The following POC1B variants were observed in gnomAD, a reference collection of about 807,000 sequenced individuals.
POC1B encodes the protein POC1 centriolar protein B.
A neutral mutation model predicts 60.6 loss-of-function variants in POC1B; 44 were observed. The ratio of observed to expected loss-of-function variants is 0.73; its 90% CI spans 0.57 to 0.93. The LOEUF is 0.93. POC1B is among the 40% of genes least tolerant of loss of function. The probability of loss-of-function intolerance (pLI) is 0.00; values close to 1 mark genes in which losing one functional copy is unlikely to be tolerated. For synonymous variants in POC1B, 180 were observed against 198.9 expected, an observed-to-expected ratio of 0.90 and a Z score of 0.80; for missense variants, 555 against 572.3, an observed-to-expected ratio of 0.97 and a Z score of 0.31.
chr12:89,520,508 A>T (rs1358082161), intron 2 of POC1B: 1 of 152,200 alleles, frequency 6.6e-6, no homozygotes, highest in Non-Finnish European at 1.5e-5. Flanking sequence ...GAGCATTATT[A>T]TTAATCCTTC....
At chr12:89,510,657 T>C (rs1371705425) in intron 2 of POC1B, among the ~76,000 whole-genome samples, 1 of 152,220 alleles carries the variant, frequency 6.6e-6, no homozygotes, top group Non-Finnish European at 1.5e-5. Context: ...CACATATATT[T>C]TGTCCAGTTT....
At chr12:89,499,358 G>A (rs1260787135) in intron 2 of POC1B, among the ~76,000 whole-genome samples, 2 of 152,176 alleles carry the variant, frequency 1.3e-5, no homozygotes, top group African/African-American at 2.4e-5. Context: ...AGAAGAGGGA[G>A]GAAAGGAGCG....
the POC1B span, among the ~76,000 whole-genome samples, chr12:89,405,019 C>T: frequency 6.6e-6 from 1 of 152,146 alleles, no homozygotes; most frequent in Non-Finnish European, 1.5e-5. Context: ...TCTGCCTCCT[C>T]CAGCATATGT....
chr12:89,525,698 C>A (rs1565768157), intron 1 of POC1B, 183 bp downstream of exon 1: 1 of 1,256,398 alleles, frequency 8.0e-7, no homozygotes, highest in Non-Finnish European at 1.0e-6. Flanking sequence ...GTCTGGGTTC[C>A]GCACTCCGTC....
intron 4 of POC1B, among the ~76,000 whole-genome samples, chr12:89,490,905 C>T (rs1868930124): frequency 9.4e-6 from 1 of 105,938 alleles, no homozygotes. Flanking sequence ...ACAGCCACCA[C>T]CTTGATCCAA....
chr12:89,478,943 G>A (rs907218283), intron 4 of POC1B, among the ~76,000 whole-genome samples: 49 of 152,018 alleles, frequency 3.2e-4, no homozygotes, highest in Admixed American at 6.6e-4. Flanking sequence ...CCCACAATAC[G>A]TGCATTGTTT....
chr12:89,523,777 G>T, intron 2 of POC1B: 1 of 1,538,302 alleles, frequency 6.5e-7, no homozygotes, highest in Non-Finnish European at 8.7e-7. Flanking sequence ...CCAATCAATT[G>T]TGTCTATAAC....
intron 8 of POC1B, 134 bp downstream of exon 8, chr12:89,467,483 T>G: frequency 1.4e-6 from 1 of 697,706 alleles, no homozygotes; most frequent in Non-Finnish European, 2.3e-6. Flanking sequence ...GCAGACTTCA[T>G]GGTACTAATT....
chr12:89,482,467 C>T (rs1264682091), intron 4 of POC1B, among the ~76,000 whole-genome samples: 1 of 152,000 alleles, frequency 6.6e-6, no homozygotes. Context: ...AATATCAATC[C>T]ATAGATCCAA....
intron 2 of POC1B, chr12:89,502,326 G>C (rs540085643): frequency 1.2e-6 from 2 of 1,611,674 alleles, no homozygotes; most frequent in South Asian, 1.1e-5. Flanking sequence ...ATGTTCGCAG[G>C]ACCAAGAGAA....
intron 3 of POC1B, 51 bp downstream of exon 3, chr12:89,497,120 T>A: frequency 6.4e-7 from 1 of 1,567,340 alleles, no homozygotes. Flanking sequence ...GTCAGCTTTC[T>A]TTCACATTTC....
intron 2 of POC1B, chr12:89,520,005 C>T (rs895263928): frequency 6.6e-6 from 1 of 151,990 alleles, no homozygotes; most frequent in Non-Finnish European, 1.5e-5. Context: ...CCAATAAATT[C>T]GAATTAGGGA....
At chr12:89,472,382 C>T in intron 4 of POC1B, 107 bp from the exon 5 acceptor site, 1 of 695,584 alleles carries the variant, frequency 1.4e-6, no homozygotes, top group Non-Finnish European at 2.4e-6. Flanking sequence ...ATACCAGAGA[C>T]CACTGTTACC....
In POC1B at chr12:89,526,020, C is replaced by T. The variant is rs1462206216; in HGVS notation, c.-125G>A. On this transcript the variant is annotated 5_prime_UTR_variant, in exon 1 of 12. Transcript: ENST00000313546. ...GTCTGCCCAGAGCGGCAGCGCCTCCCGGTCACTACAACAACGGCGGCCCAG... is the reference window on the plus strand; with the variant it reads ...GTCTGCCCAGAGCGGCAGCGCCTCCTGGTCACTACAACAACGGCGGCCCAG... 3.9e-6 allele frequency: 6 copies of T among 1,537,512 alleles called. No individual in the cohort carries two copies. The South Asian group carries it at 4.8e-5, about 12-fold the overall frequency.
At chr12:89,525,709 C>T in intron 1 of POC1B, 172 bp downstream of exon 1, 1 of 1,259,446 alleles carries the variant, frequency 7.9e-7, no homozygotes, top group Non-Finnish European at 1.0e-6. Flanking sequence ...GCACTCCGTC[C>T]GCCCCGATGG....
chr12:89,412,854 T>TCCTTCCTTCCTTCCTTCCTTTCCTTCCTC, the POC1B span, among the ~76,000 whole-genome samples: 20 of 130,080 alleles, frequency 1.5e-4, no homozygotes, highest in African/African-American at 5.7e-4. Flanking sequence ...TTCCTTTCCT[T>TCCTTCCTTCCTTCCTTCCTTTCCTTCCTC]CCTCCCTCCC....
At chr12:89,437,786 G>C (rs961362163) in intron 10 of POC1B, among the ~76,000 whole-genome samples, 1 of 152,102 alleles carries the variant, frequency 6.6e-6, no homozygotes, top group Non-Finnish European at 1.5e-5. Flanking sequence ...AGTGGCTCAC[G>C]CCTGTAACCC....
chr12:89,403,386 C>T, the POC1B span, among the ~76,000 whole-genome samples: 2 of 152,106 alleles, frequency 1.3e-5, no homozygotes, highest in East Asian at 1.9e-4. Flanking sequence ...ATCTCTTCAA[C>T]GTCCAGTGCT....
At chr12:89,465,919 G>T (rs1043710135) in intron 9 of POC1B, among the ~76,000 whole-genome samples, 2 of 152,200 alleles carry the variant, frequency 1.3e-5, no homozygotes, top group Non-Finnish European at 2.9e-5. Flanking sequence ...TAACAGCAAA[G>T]ACCAAGACTA....
Sources: gnomAD v4.1 joint callset for allele counts (sites outside exome capture counted in the v4.1 genomes callset) on GRCh38, gnomAD v4.1.1 for gene constraint, MANE v1.5 for transcripts, NCBI Gene and HGNC (gene_info 2026-07-23, HGNC 2026-07-21) for gene names.